CMSS1: variants seen among roughly 807,000 people sequenced by gnomAD.
CMSS1 encodes cms1 ribosomal small subunit homolog.
Under a neutral mutation model 43.5 loss-of-function variants are expected in CMSS1, and 33 were observed. The observed-to-expected ratio is 0.76, with a 90% CI of 0.57 to 1.01. The LOEUF (loss-of-function observed/expected upper bound fraction) is 1.01, where lower values mean the gene tolerates loss of function less well. Ranked by LOEUF, CMSS1 falls within the 50% of genes least tolerant of loss-of-function variation. The probability of loss-of-function intolerance (pLI) is 0.00; values close to 1 mark genes in which losing one functional copy is unlikely to be tolerated. For missense variants in CMSS1, 313 were observed against 326.4 expected, an observed-to-expected ratio of 0.96 and a Z score of 0.32; for synonymous variants, 115 against 117.2, an observed-to-expected ratio of 0.98 and a Z score of 0.12.
At chr3:100,052,171 A>C (rs905032112) in intron 1 of CMSS1, among the ~76,000 whole-genome samples, 1 of 152,204 alleles carries the variant, frequency 6.6e-6, no homozygotes, top group Non-Finnish European at 1.5e-5. Context: ...GCACACTTAT[A>C]ATAGGCAAAT....
intron 1 of CMSS1, among the ~76,000 whole-genome samples, chr3:100,122,772 C>G (rs981815914): frequency 6.6e-6 from 1 of 152,212 alleles, no homozygotes; most frequent in Non-Finnish European, 1.5e-5. Flanking sequence ...TCTCCATTCT[C>G]TCAGCTTCTT....
intron 1 of CMSS1, chr3:99,924,290 TGTTTTCTCTTTTCTTCCTCC>T (rs1707218179): frequency 1.9e-6 from 3 of 1,614,164 alleles, no homozygotes; most frequent in Non-Finnish European, 2.5e-6. Flanking sequence ...GTATTCTTTA[TGTTTTCTCTTTTCTTCCTCC>T]AACTCCAATA....
chr3:99,894,192 G>C (rs979336105), intron 1 of CMSS1, among the ~76,000 whole-genome samples: 3 of 152,180 alleles, frequency 2.0e-5, no homozygotes, highest in Admixed American at 1.3e-4. Flanking sequence ...AAGGAGATAG[G>C]ATGGTTAAAA....
At chr3:100,007,782 A>C (rs1710030772) in intron 1 of CMSS1, among the ~76,000 whole-genome samples, 1 of 152,174 alleles carries the variant, frequency 6.6e-6, no homozygotes, top group African/African-American at 2.4e-5. Flanking sequence ...GATAGAAAAA[A>C]TATATTAGTT....
At chr3:99,865,585 G>A (rs1626074) in intron 1 of CMSS1, among the ~76,000 whole-genome samples, 33,979 of 151,916 alleles carry the variant, frequency 0.22, 4,813 homozygotes, top group Middle Eastern at 0.36. Context: ...ATTATTTTTG[G>A]ATGGTTTAAA....
intron 1 of CMSS1, among the ~76,000 whole-genome samples, chr3:100,106,053 A>G (rs1042373052): frequency 6.6e-6 from 1 of 152,174 alleles, no homozygotes; most frequent in Non-Finnish European, 1.5e-5. Context: ...AGGGGTTTCA[A>G]TTAAATAAAA....
chr3:99,987,716 G>A (rs1478306203), intron 1 of CMSS1, among the ~76,000 whole-genome samples: 2 of 152,106 alleles, frequency 1.3e-5, no homozygotes, highest in East Asian at 3.8e-4. Context: ...CAAGACCTCA[G>A]TTATTTTCTT....
At chr3:100,004,507 GAA>G (rs1709933589) in intron 1 of CMSS1, among the ~76,000 whole-genome samples, 1 of 152,162 alleles carries the variant, frequency 6.6e-6, no homozygotes, top group Admixed American at 6.5e-5. Flanking sequence ...AAAGGATTAA[GAA>G]AATCCCATTA....
chr3:100,114,892 G>A (rs773122905), intron 1 of CMSS1: 19 of 1,331,902 alleles, frequency 1.4e-5, no homozygotes, highest in East Asian at 1.0e-4. Flanking sequence ...TATTATTAAC[G>A]CTGTGTTGGA....
chr3:100,112,291 T>C (rs971211978), intron 1 of CMSS1, among the ~76,000 whole-genome samples: 2 of 152,178 alleles, frequency 1.3e-5, no homozygotes, highest in Non-Finnish European at 2.9e-5. Context: ...GAACATAGAA[T>C]AATATGGACT....
intron 1 of CMSS1, among the ~76,000 whole-genome samples, chr3:100,043,002 G>T (rs1443089284): frequency 6.6e-6 from 1 of 152,246 alleles, no homozygotes. Context: ...GGGATAAAGG[G>T]CTAACATAGC....
At chr3:100,128,986 G>A (rs549969796) in intron 1 of CMSS1, among the ~76,000 whole-genome samples, 1 of 151,988 alleles carries the variant, frequency 6.6e-6, no homozygotes, top group Non-Finnish European at 1.5e-5. Context: ...TGGCATACAG[G>A]TCTATGAATT....
intron 1 of CMSS1, among the ~76,000 whole-genome samples, chr3:99,905,647 T>C (rs930869949): frequency 6.6e-6 from 1 of 152,246 alleles, no homozygotes; most frequent in African/African-American, 2.4e-5. Context: ...CAGATTAAGT[T>C]ATAGAATATT....
intron 1 of CMSS1, among the ~76,000 whole-genome samples, chr3:99,827,594 C>G (rs1364694817): frequency 5.3e-5 from 8 of 152,110 alleles, no homozygotes; most frequent in Non-Finnish European, 1.2e-4. Context: ...CAACATTTTT[C>G]TACGCAAATT....
intron 1 of CMSS1, chr3:99,925,749 A>C (rs1441170039): frequency 2.0e-6 from 1 of 500,680 alleles, no homozygotes; most frequent in Non-Finnish European, 2.6e-6. Flanking sequence ...TCCCAAGTGC[A>C]CTTGGTGGAA....
chr3:100,175,952 A>G (rs1218971204), intron 8 of CMSS1, among the ~76,000 whole-genome samples: 1 of 152,198 alleles, frequency 6.6e-6, no homozygotes, highest in African/African-American at 2.4e-5. Context: ...TGCAGACTCC[A>G]TGGACTCAAC....
intron 1 of CMSS1, among the ~76,000 whole-genome samples, chr3:99,952,279 T>C (rs1157902503): frequency 2.0e-5 from 3 of 152,204 alleles, no homozygotes; most frequent in Non-Finnish European, 1.5e-5. Flanking sequence ...GCAGTTTCAA[T>C]TGGATTATTT....
rs183697516 is a variant in CMSS1 at position 100,051,463 on chromosome 3, G to A, written c.65-95510G>A. ...GTTGGTGTGCTGCACTCATTAACTC[G>A]TCATTTAACATTAGGTATATCTCCT... On this transcript the variant is annotated intron_variant, in intron 1 of 9. Coordinates refer to ENST00000421999, the MANE Select transcript of CMSS1 (RefSeq NM_032359.4). Among the ~76,000 whole-genome samples, 678 of 150,276 alleles carry A rather than the reference G, an allele frequency of 4.5e-3. 7 individuals are homozygous for A. The highest frequency in any genetic ancestry group is 0.016 in the African/African-American group (661 of 40,886).
intron 1 of CMSS1, among the ~76,000 whole-genome samples, chr3:100,089,615 G>T (rs927234206): frequency 1.3e-5 from 2 of 152,092 alleles, no homozygotes. Flanking sequence ...TTCCCATTAT[G>T]GTTCTTTATA....
Sources: gnomAD v4.1 joint callset for allele counts (sites outside exome capture counted in the v4.1 genomes callset) on GRCh38, gnomAD v4.1.1 for gene constraint, MANE v1.5 for transcripts, NCBI Gene and HGNC (gene_info 2026-07-23, HGNC 2026-07-21) for gene names.